SUOX: variants seen among roughly 807,000 people sequenced by gnomAD.
SUOX encodes sulfite oxidase, also known as sulfite oxidase, mitochondrial.
SUOX carries 39 observed loss-of-function variants against 41.9 expected under a neutral mutation model. That is an observed-to-expected ratio of 0.93 (90% CI 0.72 to 1.21). The LOEUF (loss-of-function observed/expected upper bound fraction) is 1.21, where lower values mean the gene tolerates loss of function less well. Ranked by LOEUF, SUOX falls within the 50% of genes most tolerant of loss-of-function variation. The pLI, the probability that SUOX is intolerant of heterozygous loss-of-function variation, is 0.00. For missense variants in SUOX, 633 were observed against 689.5 expected, an observed-to-expected ratio of 0.92 and a Z score of 0.92; for synonymous variants, 220 against 268.4, an observed-to-expected ratio of 0.82 and a Z score of 1.76.
intron 2 of SUOX, among the ~76,000 whole-genome samples, chr12:55,998,814 T>C (rs1352268186): frequency 1.3e-5 from 2 of 151,850 alleles, no homozygotes; most frequent in Non-Finnish European, 2.9e-5. Flanking sequence ...TTTTTTTTTT[T>C]TTGAGACAAG....
Position 56,002,258 on chromosome 12 carries a change from C to T in SUOX, c.37C>T (p.Gln13Ter), listed in dbSNP as rs1890558787. 1.2e-6 allele frequency: 2 copies of T among 1,612,130 alleles called. No homozygotes were observed. The highest frequency in any genetic ancestry group is 1.3e-5 in the African/African-American group (1 of 74,910). Residue 13 changes from glutamine to a stop codon, truncating the protein, a stop_gained, in exon 3 of 5, where the codon CAA becomes TAA. Coordinates refer to ENST00000266971, the MANE Select transcript of SUOX (RefSeq NM_001032386.2). LOFTEE classifies it high-confidence loss of function. The part of the protein sequence containing the change: ...LLHRAVVLRL[Q>*]QACRLKSIPS... The stretch of plus-strand genomic sequence containing the variant: ...GCACAGAGCTGTGGTCCTCAGGCTC[C>T]AACAGGCCTGCAGGTAGGCCAGCCC...
chr12:56,004,187 C>G lies in SUOX; in HGVS notation c.798C>G (p.Gly266=). 1.2e-6 allele frequency: 2 copies of G among 1,614,116 alleles called. No homozygotes were observed. Among genetic ancestry groups the G allele is most frequent in the Non-Finnish European group, 8.5e-7 (1 of 1,180,004 alleles). Residue 266 remains glycine (G), a synonymous_variant, in exon 5 of 5, where the codon GGC becomes GGG. Coordinates refer to ENST00000266971, the MANE Select transcript of SUOX (RefSeq NM_001032386.2). The surrounding 1 kb of genome is among the most constrained non-coding windows in gnomAD (Gnocchi z 4.5). ...TCACAGTCACTCTGCAGTGTGCCGGCAACCGACGCTCTGAGATGACTCAGG... is the reference window on the plus strand; with the variant it reads ...TCACAGTCACTCTGCAGTGTGCCGGGAACCGACGCTCTGAGATGACTCAGG... ...YEITVTLQCA[G]NRRSEMTQVK... is the part of the protein sequence containing the mutation.
chr12:56,003,620 T>C lies in SUOX; in HGVS notation c.231T>C (p.Ala77=), dbSNP rs1310594591. The change falls in exon 5 of 5, where the codon GCT becomes GCC. Residue 77 remains alanine, a splice_region_variant and synonymous_variant. Transcript: ENST00000266971. ...TCTTACTCCTTCCCTGCCAATAGGCTGCTCAGGAGTCAACACACATATACA... is the reference window on the plus strand; with the variant it reads ...TCTTACTCCTTCCCTGCCAATAGGCCGCTCAGGAGTCAACACACATATACA... ...VLAYQDHRCR[A]AQESTHIYTK... The C allele has an allele frequency of 6.2e-7, 1 of 1,613,884 alleles. No homozygotes were observed. Among genetic ancestry groups the C allele is most frequent in the Non-Finnish European group, 8.5e-7 (1 of 1,179,854 alleles).
chr12:56,004,372 C>CT lies in SUOX; in HGVS notation c.984dup (p.Ala329CysfsTer15). The CT allele has an allele frequency of 6.2e-7, 1 of 1,614,120 alleles. No homozygotes were observed. On this transcript the variant is annotated frameshift_variant, in exon 5 of 5. Coordinates refer to ENST00000266971, the MANE Select transcript of SUOX (RefSeq NM_001032386.2). LOFTEE classifies it high-confidence loss of function. This position sits in a 1 kb window ranked among gnomAD's most constrained non-coding sequence, Gnocchi z 4.5. ...GGACTGGACTCAGACCCTACTGGGA[C>CT]TGCCTATGGAGCATCCATCCCTCTG...
intron 2 of SUOX, among the ~76,000 whole-genome samples, chr12:56,000,313 G>A (rs1293793286): frequency 2.0e-5 from 3 of 152,240 alleles, no homozygotes; most frequent in Non-Finnish European, 4.4e-5. Context: ...AAGGCCCGGC[G>A]AGAAATCGAG....
In SUOX at chr12:56,004,131, G is replaced by T; in HGVS notation, c.742G>T (p.Asp248Tyr). The T allele has an allele frequency of 6.2e-7, 1 of 1,614,146 alleles. No individual in the cohort carries two copies. The highest frequency in any genetic ancestry group is 8.5e-7 in the Non-Finnish European group (1 of 1,180,020). The change falls in exon 5 of 5, where the codon GAT becomes TAT. Residue 248 changes from aspartate to tyrosine, a missense_variant. Coordinates refer to ENST00000266971, the MANE Select transcript of SUOX (RefSeq NM_001032386.2). The surrounding 1 kb of genome is among the most constrained non-coding windows in gnomAD (Gnocchi z 4.5). ...PGGQSLSLSL[D>Y]DLHNFPRYEI... ...GGGTCAGTCACTGTCTCTTTCCCTG[G>T]ATGACTTGCACAACTTTCCCAGGTA...
At chr12:56,002,522 T>C (rs752093575) in intron 3 of SUOX, 21 bp from the exon 4 acceptor site, 3 of 1,614,156 alleles carry the variant, frequency 1.9e-6, no homozygotes, top group Non-Finnish European at 2.5e-6. Context: ...TACGTGCTAC[T>C]AAGACCGACC....
rs1325426502 is a variant in SUOX at position 56,004,316 on chromosome 12, C to T, written c.927C>T (p.Leu309=). 1 of 1,614,008 alleles carries T rather than the reference C, an allele frequency of 6.2e-7. No individual in the cohort carries two copies. The highest frequency in any genetic ancestry group is 1.3e-5 in the African/African-American group (1 of 74,940). ...TGTTAGCCCAGGCTGGCCACCAACT[C>T]TGTGAAACTGAGGCCCACGTCTGCT... is the stretch of plus-strand genomic sequence containing the variant. ...CDVLAQAGHQ[L]CETEAHVCFE... The change falls in exon 5 of 5, where the codon CTC becomes CTT. Residue 309 remains leucine (L), a synonymous_variant. Coordinates refer to ENST00000266971, the MANE Select transcript of SUOX (RefSeq NM_001032386.2). This position sits in a 1 kb window ranked among gnomAD's most constrained non-coding sequence, Gnocchi z 4.5.
intron 2 of SUOX, among the ~76,000 whole-genome samples, chr12:55,998,247 A>G (rs762440848): frequency 4.6e-5 from 7 of 152,148 alleles, no homozygotes; most frequent in Admixed American, 2.6e-4. Context: ...ACACAGTACA[A>G]TAAGATATTT....
In SUOX at chr12:56,004,433, G is replaced by T; in HGVS notation, c.1044G>T (p.Leu348=). 1 of 1,614,112 alleles carries T rather than the reference G, an allele frequency of 6.2e-7. No homozygotes were observed. Among genetic ancestry groups the T allele is most frequent in the Non-Finnish European group, 8.5e-7 (1 of 1,179,986 alleles). ...TGGACCCTGAAGCTGAGGTCCTGCT[G>T]GCATATGAGATGAATGGGCAGCCTC... ...RAMDPEAEVL[L]AYEMNGQPLP... is the part of the protein sequence containing the mutation. Residue 348 remains leucine (L), a synonymous_variant, in exon 5 of 5, where the codon CTG becomes CTT. Transcript: ENST00000266971. This position sits in a 1 kb window ranked among gnomAD's most constrained non-coding sequence, Gnocchi z 4.5.
Position 56,004,028 on chromosome 12 carries a change from C to A in SUOX, c.639C>A (p.Ile213=), listed in dbSNP as rs1208847915. Residue 213 remains isoleucine, a synonymous_variant, in exon 5 of 5, where the codon ATC becomes ATA. Coordinates refer to ENST00000266971, the MANE Select transcript of SUOX (RefSeq NM_001032386.2). This position sits in a 1 kb window ranked among gnomAD's most constrained non-coding sequence, Gnocchi z 4.5. ...LTENYITPNP[I]FFTRNHLPVP... ...AAAACTACATCACACCCAACCCTAT[C>A]TTCTTCACCCGGAACCATCTGCCTG... 6.2e-7 allele frequency: 1 copy of A among 1,614,170 alleles called. No homozygotes were observed. The highest frequency in any genetic ancestry group is 2.2e-5 in the East Asian group (1 of 44,888).
Position 56,003,655 on chromosome 12 carries a change from A to G in SUOX, c.266A>G (p.Glu89Gly). The G allele has an allele frequency of 6.2e-7, 1 of 1,614,072 alleles. No individual in the cohort carries two copies. ...QESTHIYTKE[E>G]VSSHTSPETG... is the part of the protein sequence containing the mutation. ...TCAACACACATATACACTAAGGAGG[A>G]AGTGAGTTCCCACACCAGCCCTGAG... Residue 89 changes from glutamate to glycine, a missense_variant, in exon 5 of 5, where the codon GAA (glutamate) becomes GGA (glycine). Glu to Gly is a moderately conservative substitution (Grantham distance 98). Coordinates refer to ENST00000266971, the MANE Select transcript of SUOX (RefSeq NM_001032386.2).
At chr12:56,000,504 C>T (rs1890476357) in intron 2 of SUOX, among the ~76,000 whole-genome samples, 2 of 152,338 alleles carry the variant, frequency 1.3e-5, no homozygotes, top group South Asian at 2.1e-4. Context: ...GCGCTCAGCC[C>T]CGGTTCCCGC....
Position 56,003,778 on chromosome 12 carries a change from G to C in SUOX, c.389G>C (p.Gly130Ala), listed in dbSNP as rs1592828973. 1.2e-6 allele frequency: 2 copies of C among 1,613,848 alleles called. No homozygotes were observed. The highest frequency in any genetic ancestry group is 1.7e-6 in the Non-Finnish European group (2 of 1,179,864). Residue 130 changes from glycine (G) to alanine (A), a missense_variant, in exon 5 of 5, where the codon GGG becomes GCG. Coordinates refer to ENST00000266971, the MANE Select transcript of SUOX (RefSeq NM_001032386.2). ...CCTTCAAAGCTGATGCTAGCAGCTG[G>C]GGGTCCCCTAGAGCCCTTCTGGGCC... ...GGPSKLMLAA[G>A]GPLEPFWALY...
chr12:56,002,181 C>T, intron 2 of SUOX, 31 bp from the exon 3 acceptor site: 1 of 1,612,342 alleles, frequency 6.2e-7, no homozygotes, highest in Non-Finnish European at 8.5e-7. Context: ...CAGGGTCTCC[C>T]TATCTTGATC....
intron 3 of SUOX, 34 bp from the exon 4 acceptor site, chr12:56,002,509 C>A: frequency 6.2e-7 from 1 of 1,613,412 alleles, no homozygotes; most frequent in East Asian, 2.2e-5. Flanking sequence ...TTTCACATGA[C>A]CATACGTGCT....
Position 56,004,348 on chromosome 12 carries a change from G to T in SUOX, c.959G>T (p.Gly320Val). 1 of 1,614,142 alleles carries T rather than the reference G, an allele frequency of 6.2e-7. No individual in the cohort carries two copies. The highest frequency in any genetic ancestry group is 8.5e-7 in the Non-Finnish European group (1 of 1,180,016). ...CETEAHVCFE[G>V]LDSDPTGTAY... ...ACTGAGGCCCACGTCTGCTTTGAGG[G>T]ACTGGACTCAGACCCTACTGGGACT... Residue 320 changes from glycine to valine, a missense_variant, in exon 5 of 5, where the codon GGA becomes GTA. Coordinates refer to ENST00000266971, the MANE Select transcript of SUOX (RefSeq NM_001032386.2). This position sits in a 1 kb window ranked among gnomAD's most constrained non-coding sequence, Gnocchi z 4.5.
Position 56,003,936 on chromosome 12 carries a change from CA to C in SUOX, c.548del (p.His183ProfsTer4). 1 of 1,614,132 alleles carries C rather than the reference CA, an allele frequency of 6.2e-7. No individual in the cohort carries two copies. On this transcript the variant is annotated frameshift_variant, in exon 5 of 5. Transcript: ENST00000266971. LOFTEE classifies it high-confidence loss of function. ...CCCTTATGCTGATGATCCTGTACGT[CA>C]CCCAGCCCTGAAGGTCAACAGCCAG... is the stretch of plus-strand genomic sequence containing the variant. Reference protein sequence around the residue: ...SDPYADDPVRHPALKVNSQRP... With the variant: ...SDPYADDPVRXPALKVNSQRP...
At chr12:56,000,315 G>C (rs1416117824) in intron 2 of SUOX, among the ~76,000 whole-genome samples, 1 of 152,250 alleles carries the variant, frequency 6.6e-6, no homozygotes, top group Admixed American at 6.5e-5. Context: ...GGCCCGGCGA[G>C]AAATCGAGCG....
Sources: gnomAD v4.1 joint callset for allele counts (sites outside exome capture counted in the v4.1 genomes callset) on GRCh38, gnomAD v4.1.1 for gene constraint, Gnocchi (gnomAD v3.1) non-coding constraint, MANE v1.5 for transcripts, NCBI Gene and HGNC (gene_info 2026-07-23, HGNC 2026-07-21) for gene names.